Variants in DLG2 observed in about 807,000 individuals in gnomAD.
DLG2 encodes discs large MAGUK scaffold protein 2.
DLG2 carries 45 observed loss-of-function variants against 132.5 expected under a neutral mutation model. The ratio of observed to expected loss-of-function variants is 0.34; its 90% CI spans 0.27 to 0.44. The LOEUF is 0.44. Among genes scored for constraint, DLG2 ranks in the 20% least tolerant of loss-of-function variants. DLG2 has a pLI of 1.00. For synonymous variants in DLG2, 424 were observed against 419.6 expected (o/e 1.01, Z -0.13); for missense variants, 1,045 against 1,196.9 (o/e 0.87, Z 1.87).
intron 5 of DLG2, among the ~76,000 whole-genome samples, chr11:85,153,675 T>C (rs1285396113): frequency 2.0e-5 from 3 of 152,094 alleles, no homozygotes; most frequent in Non-Finnish European, 4.4e-5. Flanking sequence ...TATTTATTCC[T>C]CATTAAAGGT....
At chr11:84,406,470 C>T (rs902403515) in intron 7 of DLG2, among the ~76,000 whole-genome samples, 2 of 152,222 alleles carry the variant, frequency 1.3e-5, no homozygotes, top group East Asian at 3.9e-4. Flanking sequence ...AGGTGTACAC[C>T]ACCATACGAT....
At chr11:84,625,211 A>G (rs896706582) in intron 6 of DLG2, among the ~76,000 whole-genome samples, 10 of 152,046 alleles carry the variant, frequency 6.6e-5, no homozygotes, top group African/African-American at 2.4e-4. Context: ...TTGAAGAATG[A>G]AACATCTAAA....
chr11:84,523,589 T>C (rs1039124340), intron 7 of DLG2, among the ~76,000 whole-genome samples: 3 of 152,176 alleles, frequency 2.0e-5, no homozygotes, highest in East Asian at 1.9e-4. Flanking sequence ...TGTTTAGAAA[T>C]ATGGGAGGGA....
At chr11:85,029,225 G>A (rs951985241) in intron 6 of DLG2, among the ~76,000 whole-genome samples, 2 of 151,350 alleles carry the variant, frequency 1.3e-5, no homozygotes, top group Non-Finnish European at 2.9e-5. Context: ...AACAATTTTG[G>A]AATAACTCCA....
chr11:84,593,344 C>T (rs551751699), intron 6 of DLG2, among the ~76,000 whole-genome samples: 6 of 152,224 alleles, frequency 3.9e-5, no homozygotes, highest in South Asian at 2.1e-4. Context: ...CACAGGCACA[C>T]GTATGTATAT....
chr11:84,652,328 T>C (rs2154546770), intron 6 of DLG2, among the ~76,000 whole-genome samples: 2 of 152,272 alleles, frequency 1.3e-5, no homozygotes, highest in South Asian at 4.1e-4. Context: ...ACAAGAGTTA[T>C]TTAAGAGATA....
intron 3 of DLG2, among the ~76,000 whole-genome samples, chr11:85,323,547 AATT>A (rs1435014437): frequency 6.6e-6 from 1 of 152,154 alleles, no homozygotes; most frequent in Non-Finnish European, 1.5e-5. Flanking sequence ...ATATACAATA[AATT>A]ATTGTTAGCT....
At chr11:84,083,194 C>T (rs868239961) in intron 10 of DLG2, among the ~76,000 whole-genome samples, 6 of 152,092 alleles carry the variant, frequency 3.9e-5, no homozygotes, top group South Asian at 2.1e-4. Context: ...GCAGGAGAAT[C>T]GCTTGAACCC....
intron 21 of DLG2, among the ~76,000 whole-genome samples, chr11:83,517,765 T>C (rs1227013759): frequency 6.6e-6 from 1 of 152,254 alleles, no homozygotes; most frequent in African/African-American, 2.4e-5. Flanking sequence ...TGCAGGTCTG[T>C]TGGAGTTTGC....
intron 6 of DLG2, among the ~76,000 whole-genome samples, chr11:84,988,756 C>A (rs192451349): frequency 6.6e-6 from 1 of 152,214 alleles, no homozygotes; most frequent in East Asian, 1.9e-4. Flanking sequence ...TAAAAGATTA[C>A]AAATTGGGTG....
At chr11:85,139,020 G>T (rs1404328914) in intron 5 of DLG2, among the ~76,000 whole-genome samples, 1 of 151,912 alleles carries the variant, frequency 6.6e-6, no homozygotes, top group Non-Finnish European at 1.5e-5. Context: ...CACATGGCTG[G>T]CTCCTTCTCA....
intron 5 of DLG2, among the ~76,000 whole-genome samples, chr11:85,122,940 G>GTA (rs1555376278): frequency 2.1e-5 from 1 of 47,684 alleles, no homozygotes; most frequent in African/African-American, 8.3e-5. Flanking sequence ...ATGTGTGTCT[G>GTA]TATATATATT....
At chr11:84,051,785 G>GA (rs984844890) in intron 11 of DLG2, among the ~76,000 whole-genome samples, 3 of 149,146 alleles carry the variant, frequency 2.0e-5, no homozygotes, top group African/African-American at 4.9e-5. Flanking sequence ...TAAAAAAAAA[G>GA]AAAAAAAAAG....
chr11:85,239,162 C>G (rs1283125337), intron 4 of DLG2, among the ~76,000 whole-genome samples: 1 of 152,006 alleles, frequency 6.6e-6, no homozygotes, highest in Non-Finnish European at 1.5e-5. Flanking sequence ...ATGAGGGTTA[C>G]ACTACCTTTA....
chr11:85,332,018 T>TA (rs1422830798), intron 3 of DLG2, among the ~76,000 whole-genome samples: 6 of 152,022 alleles, frequency 3.9e-5, no homozygotes. Flanking sequence ...GTAATTGTTT[T>TA]AAGTTCTTTG....
intron 18 of DLG2, among the ~76,000 whole-genome samples, chr11:83,762,879 C>G (rs1039981281): frequency 6.6e-6 from 1 of 152,148 alleles, no homozygotes; most frequent in Non-Finnish European, 1.5e-5. Context: ...ATGTGCCTGG[C>G]CAAGTATTAA....
intron 6 of DLG2, among the ~76,000 whole-genome samples, chr11:84,847,069 TGA>T (rs1229816885): frequency 2.0e-5 from 3 of 151,964 alleles, no homozygotes; most frequent in African/African-American, 7.2e-5. Flanking sequence ...CACAGAAACA[TGA>T]GAGAGAATAA....
At chr11:84,674,366 C>A (rs752878757) in intron 6 of DLG2, among the ~76,000 whole-genome samples, 2 of 152,064 alleles carry the variant, frequency 1.3e-5, no homozygotes, top group Non-Finnish European at 2.9e-5. Context: ...TGTGATACTA[C>A]ATGAATGAGC....
intron 4 of DLG2, among the ~76,000 whole-genome samples, chr11:85,209,691 C>G (rs146730462): frequency 2.0e-5 from 3 of 150,872 alleles, no homozygotes; most frequent in Non-Finnish European, 4.4e-5. Context: ...CCACCCGCCT[C>G]GGCCTCCCAA....
Sources: allele counts gnomAD v4.1 joint callset (sites outside exome capture counted in the v4.1 genomes callset), GRCh38; gene constraint gnomAD v4.1.1; transcripts MANE v1.5; gene names NCBI Gene and HGNC (gene_info 2026-07-23, HGNC 2026-07-21).